The following UHMK1 variants were observed in gnomAD, a reference collection of about 807,000 sequenced individuals.
The protein encoded by UHMK1 is serine/threonine-protein kinase Kist.
UHMK1 carries 18 observed loss-of-function variants against 44.0 expected under a neutral mutation model. The observed-to-expected ratio is 0.41, with a 90% CI of 0.28 to 0.61. The LOEUF is 0.61. Among genes scored for constraint, UHMK1 ranks in the 20% least tolerant of loss-of-function variants. The probability of loss-of-function intolerance (pLI) is 0.31; values close to 1 mark genes in which losing one functional copy is unlikely to be tolerated. For synonymous variants in UHMK1, 231 were observed against 198.5 expected, an observed-to-expected ratio of 1.16 and a Z score of -1.38; for missense variants, 463 against 522.5, an observed-to-expected ratio of 0.89 and a Z score of 1.11.
intron 6 of UHMK1, 109 bp from the exon 7 acceptor site, chr1:162,517,993 C>A: frequency 1.5e-6 from 1 of 667,670 alleles, no homozygotes; most frequent in Non-Finnish European, 2.6e-6. Flanking sequence ...ATAAAATGAC[C>A]TCATTACTAG....
At chr1:162,517,527 A>G (rs933900182) in intron 6 of UHMK1, among the ~76,000 whole-genome samples, 45 of 152,234 alleles carry the variant, frequency 3.0e-4, no homozygotes, top group Non-Finnish European at 1.8e-4. Context: ...CATATTTAAT[A>G]TAAAAAGCAA....
In UHMK1 at chr1:162,526,775, G is replaced by A. The variant is rs954524121; in HGVS notation, c.*4225G>A. On this transcript the variant is annotated 3_prime_UTR_variant, in exon 8 of 8. Transcript: ENST00000489294. ...ATTTTATTCCAATATTATATATGAT[G>A]GAAAAGCCAGAATTGTCTGGCAGAA... 4 of 151,962 alleles carry A rather than the reference G, an allele frequency of 2.6e-5. No individual in the cohort carries two copies. Among genetic ancestry groups the A allele is most frequent in the African/African-American group, 7.3e-5 (3 of 41,362 alleles). 9.4% of individuals were successfully genotyped at this position (151,962 alleles called of 1,614,324 possible).
chr1:162,512,155 T>C (rs974979931), intron 4 of UHMK1, among the ~76,000 whole-genome samples: 1 of 151,432 alleles, frequency 6.6e-6, no homozygotes, highest in Admixed American at 6.6e-5. Flanking sequence ...AGAAATTTGA[T>C]GAGATTCAAC....
chr1:162,517,429 A>G (rs1196509196), intron 6 of UHMK1, among the ~76,000 whole-genome samples: 1 of 152,246 alleles, frequency 6.6e-6, no homozygotes, highest in African/African-American at 2.4e-5. Context: ...AGTATATAAT[A>G]TATTGAATAT....
rs1042703460 is a variant in UHMK1 at position 162,526,207 on chromosome 1, G to T, written c.*3657G>T. 6.6e-6 allele frequency: 1 copy of T among 150,584 alleles called. No individual in the cohort carries two copies. The highest frequency in any genetic ancestry group is 6.6e-5 in the Admixed American group (1 of 15,106). 9.3% of individuals were successfully genotyped at this position (150,584 alleles called of 1,614,324 possible). The stretch of plus-strand genomic sequence containing the variant: ...ACATTTGGGTATCTTTTTGTTTTAG[G>T]TCTTATTTTCTGACTGTTAGGCCTA... On this transcript the variant is annotated 3_prime_UTR_variant, in exon 8 of 8. Transcript: ENST00000489294.
At chr1:162,497,342 G>T (rs1225944544), upstream of UHMK1, 22 of 698,270 alleles carry the variant, frequency 3.2e-5, no homozygotes. Context: ...GACTGAACCA[G>T]AATTTTAGAG....
intron 4 of UHMK1, 97 bp from the exon 5 acceptor site, chr1:162,512,403 A>G: frequency 1.1e-6 from 1 of 912,206 alleles, no homozygotes; most frequent in Non-Finnish European, 1.7e-6. Context: ...AATATAATTA[A>G]TGCTGTGATG....
In UHMK1 at chr1:162,525,770, T is replaced by C. The variant is rs745813713; in HGVS notation, c.*3220T>C. The C allele has an allele frequency of 3.9e-5, 6 of 152,214 alleles. No homozygotes were observed. Among genetic ancestry groups the C allele is most frequent in the Non-Finnish European group, 7.4e-5 (5 of 68,022 alleles). 9.4% of individuals were successfully genotyped at this position (152,214 alleles called of 1,614,324 possible). On this transcript the variant is annotated 3_prime_UTR_variant, in exon 8 of 8. Transcript: ENST00000489294. ...GAGGGATTCCCTTTCTGCTATGCCT[T>C]GAGCCAAACTGGCTGCTTTTAGAAC...
At position 162,498,012 on chromosome 1, in the gene UHMK1, C is replaced by T. The variant is rs1275305353; in HGVS notation, c.12C>T (p.Ser4=). 3 of 1,585,810 alleles carry T rather than the reference C, an allele frequency of 1.9e-6. No homozygotes were observed. In the South Asian group the frequency reaches 3.4e-5, roughly 18 times the overall value. Residue 4 remains serine, a synonymous_variant, in exon 1 of 8, where the codon TCC becomes TCT. Transcript: ENST00000489294. ...CTTAACCCACACCGATGGCGGGATCCGGCTGCGCCTGGGGCGCGGAGCCGC... is the reference window on the plus strand; with the variant it reads ...CTTAACCCACACCGATGGCGGGATCTGGCTGCGCCTGGGGCGCGGAGCCGC... MAG[S]GCAWGAEPPR...
rs1652373311 is a variant in UHMK1, at chr1:162,529,600, TTAAAAA to T, written c.*7055_*7060del. On this transcript the variant is annotated 3_prime_UTR_variant, in exon 8 of 8. Coordinates refer to ENST00000489294, the MANE Select transcript of UHMK1 (RefSeq NM_175866.5). ...TTGATAAGAGTGATAAAATAAAAGC[TTAAAAA>T]TAAAGGAGTTGCTTTTTAATTTCAA... is the stretch of plus-strand genomic sequence containing the variant. 1 of 152,180 alleles carries T rather than the reference TTAAAAA, an allele frequency of 6.6e-6. No homozygotes were observed. The highest frequency in any genetic ancestry group is 2.4e-5 in the African/African-American group (1 of 41,454). The allele number at this position is 152,180 out of a possible 1,614,324, so 9.4% of individuals were successfully genotyped here.
Position 162,529,360 on chromosome 1 carries a change from A to G in UHMK1, c.*6810A>G, listed in dbSNP as rs1652364940. 6.6e-6 allele frequency: 1 copy of G among 152,138 alleles called. No homozygotes were observed. The highest frequency in any genetic ancestry group is 2.1e-4 in the South Asian group (1 of 4,836). 9.4% of individuals were successfully genotyped at this position (152,138 alleles called of 1,614,324 possible). A position where few individuals can be genotyped will look rare whatever the true frequency, so the allele number is the denominator to read the frequency against. ...TCAAATCCCTAAATTTCTGATTTCC[A>G]TTCAAGTCTTTTAAACTCTTTCCTG... On this transcript the variant is annotated 3_prime_UTR_variant, in exon 8 of 8. Transcript: ENST00000489294.
rs761668338 is a variant in UHMK1, at chr1:162,501,066, A to G, written c.715A>G (p.Met239Val). ...CATTTTACTGGAAATGTTCTCAGGA[A>G]TGAAACTGAAACATACAGTCAGATC... Reference protein sequence around the residue: ...GIILLEMFSGMKLKHTVRSQE... With the variant: ...GIILLEMFSGVKLKHTVRSQE... The change falls in exon 3 of 8, where the codon ATG becomes GTG. Residue 239 changes from methionine (M) to valine (V), a missense_variant. Physicochemically the swap from Met to Val is conservative, Grantham distance 21 (BLOSUM62 1). This residue lies in a region of UHMK1 where 264 missense variants were observed against 326.3 expected (regional missense o/e 0.81). Transcript: ENST00000489294. The G allele has an allele frequency of 2.5e-6, 4 of 1,614,180 alleles. No individual in the cohort carries two copies. The South Asian group carries it at 4.4e-5, about 18-fold the overall frequency.
chr1:162,498,182 C>T lies in UHMK1; in HGVS notation c.182C>T (p.Thr61Ile). Residue 61 changes from threonine (T) to isoleucine (I), a missense_variant, in exon 1 of 8, where the codon ACC becomes ATC. Thr to Ile is a moderately conservative substitution (Grantham distance 89, BLOSUM62 -1). Around this residue, in one of 3 missense-constraint regions of UHMK1, gnomAD observed 191 missense variants for 176.0 expected, o/e 1.09. Transcript: ENST00000489294. ...GALKQFLPPG[T>I]TGAAASAAEY... is the part of the protein sequence containing the mutation. Reference sequence around the variant, plus strand: ...CTCAAGCAGTTCTTGCCGCCAGGAACCACCGGGGCTGCGGCCTCTGCCGCC... The same window carrying T: ...CTCAAGCAGTTCTTGCCGCCAGGAATCACCGGGGCTGCGGCCTCTGCCGCC... 6.2e-7 allele frequency: 1 copy of T among 1,613,086 alleles called. No homozygotes were observed. Among genetic ancestry groups the T allele is most frequent in the Non-Finnish European group, 8.5e-7 (1 of 1,179,448 alleles).
In UHMK1 at chr1:162,498,079, A is replaced by G. The variant is rs893309277; in HGVS notation, c.79A>G (p.Ser27Gly). Residue 27 changes from serine (S) to glycine (G), a missense_variant, in exon 1 of 8, where the codon AGC becomes GGC. Ser to Gly is a moderately conservative substitution (Grantham distance 56). This residue lies in a region of UHMK1 where 191 missense variants were observed against 176.0 expected (regional missense o/e 1.09). Coordinates refer to ENST00000489294, the MANE Select transcript of UHMK1 (RefSeq NM_175866.5). ...EAFGRLWQVQ[S>G]RLGSGSSASV... ...CTTCGGGCGGCTGTGGCAGGTACAG[A>G]GCCGTCTGGGTAGCGGCTCCTCCGC... 8 of 1,611,794 alleles carry G rather than the reference A, an allele frequency of 5.0e-6. No individual in the cohort carries two copies. Among genetic ancestry groups the G allele is most frequent in the Non-Finnish European group, 6.8e-6 (8 of 1,179,674 alleles).
chr1:162,510,411 A>G (rs1651625295), intron 4 of UHMK1, among the ~76,000 whole-genome samples: 1 of 152,138 alleles, frequency 6.6e-6, no homozygotes, highest in Non-Finnish European at 1.5e-5. Context: ...TGGTAACACC[A>G]TTCTTCTCTC....
At chr1:162,510,165 A>C (rs1196725028) in intron 4 of UHMK1, among the ~76,000 whole-genome samples, 1 of 152,214 alleles carries the variant, frequency 6.6e-6, no homozygotes, top group Non-Finnish European at 1.5e-5. Context: ...GGAATGATTA[A>C]ATCTAGTTAA....
intron 4 of UHMK1, among the ~76,000 whole-genome samples, chr1:162,509,395 C>G (rs908030264): frequency 6.6e-6 from 1 of 152,180 alleles, no homozygotes; most frequent in African/African-American, 2.4e-5. Flanking sequence ...CTAGATTACT[C>G]CAACCTCTTA....
Position 162,522,776 on chromosome 1 carries a change from T to G in UHMK1, c.*226T>G. On this transcript the variant is annotated 3_prime_UTR_variant, in exon 8 of 8. Transcript: ENST00000489294. ...ATTGAGGGGTTTTAGAGCATCCATG[T>G]GGGCAACCCTTTTTTGTGCGGGAGA... 2.5e-6 allele frequency: 1 copy of G among 402,378 alleles called. No homozygotes were observed. Among genetic ancestry groups the G allele is most frequent in the Non-Finnish European group, 4.4e-6 (1 of 228,548 alleles). The allele number at this position is 402,378 out of a possible 1,614,324, so 24.9% of individuals were successfully genotyped here.
At position 162,499,993 on chromosome 1, in the gene UHMK1, A is replaced by C. The variant is rs770286568; in HGVS notation, c.307A>C (p.Asn103His). The change falls in exon 2 of 8, where the codon AAT (asparagine) becomes CAT (histidine). Residue 103 changes from asparagine (N) to histidine (H), a missense_variant. Physicochemically the swap from Asn to His is moderately conservative, Grantham distance 68. Around this residue, in one of 3 missense-constraint regions of UHMK1, gnomAD observed 191 missense variants for 176.0 expected, o/e 1.09. Transcript: ENST00000489294. Reference protein sequence around the residue: ...YGVFTIHFSPNVPSRCLLLEL... With the variant: ...YGVFTIHFSPHVPSRCLLLEL... ...AGTGTTTACAATCCACTTTTCTCCA[A>C]ATGTGCCATCACGCTGTCTGTTGCT... is the stretch of plus-strand genomic sequence containing the variant. The C allele has an allele frequency of 3.7e-6, 6 of 1,614,008 alleles. No homozygotes were observed. The highest frequency in any genetic ancestry group is 5.1e-6 in the Non-Finnish European group (6 of 1,180,036).
Sources: gnomAD v4.1 joint callset for allele counts (sites outside exome capture counted in the v4.1 genomes callset) on GRCh38, gnomAD v4.1.1 for gene constraint, gnomAD v4.1.1 regional missense constraint, MANE v1.5 for transcripts, NCBI Gene and HGNC (gene_info 2026-07-23, HGNC 2026-07-21) for gene names.